ABCB11: variants seen among roughly 807,000 people sequenced by gnomAD.
ABCB11 encodes bile salt export pump.
A neutral mutation model predicts 148.0 loss-of-function variants in ABCB11; 95 were observed. The ratio of observed to expected loss-of-function variants is 0.64; its 90% CI spans 0.54 to 0.76. The LOEUF (loss-of-function observed/expected upper bound fraction) is 0.76, where lower values mean the gene tolerates loss of function less well. Among genes scored for constraint, ABCB11 ranks in the 30% least tolerant of loss-of-function variants. The pLI, the probability that ABCB11 is intolerant of heterozygous loss-of-function variation, is 0.00. For synonymous variants in ABCB11, 591 were observed against 555.4 expected (o/e 1.06, Z -0.90); for missense variants, 1,523 against 1,617.8 (o/e 0.94, Z 1.01).
At chr2:168,936,527 G>T in intron 21 of ABCB11, 94 bp from the exon 22 acceptor site, 1 of 1,104,346 alleles carries the variant, frequency 9.1e-7, no homozygotes, top group Non-Finnish European at 1.3e-6. Context: ...ATAAAGTTGT[G>T]ATAAAATATA....
At chr2:168,953,622 T>C (rs75392236) in intron 19 of ABCB11, among the ~76,000 whole-genome samples, 1 of 151,114 alleles carries the variant, frequency 6.6e-6, no homozygotes, top group East Asian at 2.0e-4. Flanking sequence ...AGCATTTAGT[T>C]GGATTATTTT....
intron 18 of ABCB11, among the ~76,000 whole-genome samples, chr2:168,963,157 A>G (rs1693150928): frequency 6.6e-6 from 1 of 151,810 alleles, no homozygotes; most frequent in Non-Finnish European, 1.5e-5. Context: ...TTGTAATTTA[A>G]AAATTCTCTG....
intron 27 of ABCB11, among the ~76,000 whole-genome samples, chr2:168,924,198 G>A (rs768606821): frequency 3.3e-5 from 5 of 152,168 alleles, no homozygotes; most frequent in Admixed American, 6.5e-5. Flanking sequence ...ATGGAATCCC[G>A]ATTGTTATGG....
At chr2:168,971,435 G>A (rs753732003) in intron 14 of ABCB11, among the ~76,000 whole-genome samples, 1 of 152,000 alleles carries the variant, frequency 6.6e-6, no homozygotes, top group Non-Finnish European at 1.5e-5. Flanking sequence ...AATATTAGCT[G>A]CCTAAGCACA....
intron 19 of ABCB11, among the ~76,000 whole-genome samples, chr2:168,948,909 C>T (rs1383130048): frequency 2.0e-5 from 3 of 151,626 alleles, no homozygotes; most frequent in Non-Finnish European, 4.4e-5. Context: ...TTCTGTACAA[C>T]TCATGCTTGT....
chr2:168,998,466 C>T (rs571177506), intron 5 of ABCB11, among the ~76,000 whole-genome samples: 7 of 152,102 alleles, frequency 4.6e-5, no homozygotes, highest in South Asian at 2.1e-4. Context: ...CTCACCACAA[C>T]GACATGATAA....
At chr2:169,018,394 T>C (rs931480743) in intron 1 of ABCB11, among the ~76,000 whole-genome samples, 2 of 152,208 alleles carry the variant, frequency 1.3e-5, no homozygotes, top group African/African-American at 4.8e-5. Flanking sequence ...ATAGCTTAAT[T>C]ATAGGAAAGA....
chr2:168,985,802 C>T (rs1304653646), intron 10 of ABCB11, among the ~76,000 whole-genome samples: 6 of 151,968 alleles, frequency 3.9e-5, no homozygotes, highest in South Asian at 2.1e-4. Context: ...GAAAAGGGTA[C>T]GAAGGCAGTG....
chr2:168,977,073 T>C (rs1693939988), intron 11 of ABCB11, among the ~76,000 whole-genome samples: 1 of 148,042 alleles, frequency 6.8e-6, no homozygotes, highest in South Asian at 2.1e-4. Context: ...GTTACTGAGA[T>C]ATTATATAAT....
chr2:168,928,183 T>C (rs1691399851), intron 25 of ABCB11, among the ~76,000 whole-genome samples: 1 of 152,200 alleles, frequency 6.6e-6, no homozygotes, highest in African/African-American at 2.4e-5. Flanking sequence ...AGAAAAAATA[T>C]AAAGCATTTC....
At chr2:168,952,693 T>TTC in intron 19 of ABCB11, among the ~76,000 whole-genome samples, 1 of 150,070 alleles carries the variant, frequency 6.7e-6, no homozygotes, top group East Asian at 2.0e-4. Flanking sequence ...TTTTTTTTGT[T>TTC]TGTTTCTATT....
intron 9 of ABCB11, among the ~76,000 whole-genome samples, chr2:168,988,935 C>T (rs10206511): frequency 0.081 from 12,255 of 152,028 alleles, 1,212 homozygotes; most frequent in African/African-American, 0.23. Flanking sequence ...ATGTTTTCTT[C>T]TGAGAAATGT....
chr2:168,986,209 G>T lies in ABCB11; in HGVS notation c.984C>A (p.Phe328Leu). The T allele has an allele frequency of 1.2e-6, 2 of 1,613,276 alleles. No homozygotes were observed. The highest frequency in any genetic ancestry group is 2.7e-5 in the African/African-American group (2 of 74,988). ...AACACAAAAAGATGAGACACCACAC[G>T]AATCCAGTAAAGAATCCCATCACTA... Reference protein sequence around the residue: ...KGIVMGFFTGFVWCLIFLCYA... With the variant: ...KGIVMGFFTGLVWCLIFLCYA... Residue 328 changes from phenylalanine to leucine, a missense_variant, in exon 10 of 28, where the codon TTC (phenylalanine) becomes TTA (leucine). Coordinates refer to ENST00000650372, the MANE Select transcript of ABCB11 (RefSeq NM_003742.4).
At chr2:168,966,260 A>C (rs893370682) in intron 17 of ABCB11, among the ~76,000 whole-genome samples, 2 of 151,908 alleles carry the variant, frequency 1.3e-5, no homozygotes, top group African/African-American at 2.4e-5. Flanking sequence ...AATGGATGCC[A>C]AGGTAGGAGT....
intron 5 of ABCB11, 73 bp downstream of exon 5, chr2:169,013,199 C>A: frequency 1.8e-6 from 2 of 1,136,152 alleles, no homozygotes; most frequent in Non-Finnish European, 2.5e-6. Flanking sequence ...CAGTAAAATC[C>A]CCTCTATACA....
At chr2:168,930,569 A>T (rs1037913043) in intron 25 of ABCB11, 96 bp downstream of exon 25, 2 of 1,053,848 alleles carry the variant, frequency 1.9e-6, no homozygotes, top group African/African-American at 1.6e-5. Flanking sequence ...CAAGCATTTT[A>T]AAGTGAGTCT....
At position 168,971,770 on chromosome 2, in the gene ABCB11, G is replaced by T. The variant is rs1693586261; in HGVS notation, c.1638+77C>A. ...TAATGACTTGGGAATCATACGAGAA[G>T]AAATGTGTATAATTGTGCAACTTTT... On this transcript the variant is annotated intron_variant, in intron 14 of 27. Coordinates refer to ENST00000650372, the MANE Select transcript of ABCB11 (RefSeq NM_003742.4). The T allele has an allele frequency of 4.5e-6, 6 of 1,344,078 alleles. No homozygotes were observed. In the South Asian group the frequency reaches 4.9e-5, roughly 11 times the overall value. 83.3% of individuals were successfully genotyped at this position (1,344,078 alleles called of 1,614,324 possible). A position where few individuals can be genotyped will look rare whatever the true frequency, so the allele number is the denominator to read the frequency against.
intron 18 of ABCB11, among the ~76,000 whole-genome samples, chr2:168,963,463 C>T (rs956847132): frequency 4.6e-5 from 7 of 151,622 alleles, no homozygotes; most frequent in East Asian, 3.9e-4. Context: ...TGACATGTAA[C>T]GTGCAGTAAT....
chr2:169,029,043 C>T (rs933751721), intron 1 of ABCB11, among the ~76,000 whole-genome samples: 4 of 152,056 alleles, frequency 2.6e-5, no homozygotes, highest in Admixed American at 6.6e-5. Context: ...AAGCCAGGCC[C>T]GGGAGTGGAG....
Sources: gnomAD v4.1 joint callset for allele counts (sites outside exome capture counted in the v4.1 genomes callset) on GRCh38, gnomAD v4.1.1 for gene constraint, MANE v1.5 for transcripts, NCBI Gene and HGNC (gene_info 2026-07-23, HGNC 2026-07-21) for gene names.